RERE: variants seen among roughly 807,000 people sequenced by gnomAD.
RERE encodes arginine-glutamic acid dipeptide repeats protein.
RERE carries 40 observed loss-of-function variants against 146.1 expected under a neutral mutation model. The ratio of observed to expected loss-of-function variants is 0.27; its 90% CI spans 0.21 to 0.36. The LOEUF (loss-of-function observed/expected upper bound fraction) is 0.36. Among genes scored for constraint, RERE ranks in the 10% least tolerant of loss-of-function variants. The probability of loss-of-function intolerance (pLI) is 1.00; values close to 1 mark genes in which losing one functional copy is unlikely to be tolerated. For missense variants in RERE, 1,933 were observed against 2,138.7 expected (o/e 0.90, Z 1.90); for synonymous variants, 1,003 against 866.0 (o/e 1.16, Z -2.78).
chr1:8,540,145 G>A (rs953018491), intron 7 of RERE, among the ~76,000 whole-genome samples: 1 of 152,038 alleles, frequency 6.6e-6, no homozygotes, highest in Non-Finnish European at 1.5e-5. Context: ...CCAGGCTGGA[G>A]AGTGCAGTGG....
intron 1 of RERE, among the ~76,000 whole-genome samples, chr1:8,667,937 C>T (rs1169945154): frequency 2.0e-5 from 3 of 152,118 alleles, no homozygotes; most frequent in East Asian, 1.9e-4. Context: ...TAGGATATTT[C>T]GCAGCATTCC....
At chr1:8,413,684 T>C (rs1643677740) in intron 12 of RERE, among the ~76,000 whole-genome samples, 1 of 152,056 alleles carries the variant, frequency 6.6e-6, no homozygotes, top group Non-Finnish European at 1.5e-5. Context: ...CCAACTCTGC[T>C]GAGATGAAAT....
chr1:8,654,829 G>A (rs1638234744), intron 2 of RERE, among the ~76,000 whole-genome samples: 1 of 151,914 alleles, frequency 6.6e-6, no homozygotes, highest in East Asian at 1.9e-4. Flanking sequence ...AAAGATGGGG[G>A]TCTCACTACG....
At chr1:8,613,119 A>G (rs1292574655) in intron 4 of RERE, among the ~76,000 whole-genome samples, 2 of 152,156 alleles carry the variant, frequency 1.3e-5, no homozygotes, top group African/African-American at 4.8e-5. Context: ...CTAGCCTTCT[A>G]CTTGGAATTT....
chr1:8,514,968 A>G (rs928022661), intron 7 of RERE, among the ~76,000 whole-genome samples: 2 of 152,184 alleles, frequency 1.3e-5, no homozygotes, highest in South Asian at 2.1e-4. Flanking sequence ...GGTGCTCTAC[A>G]GTATTATCTC....
At chr1:8,730,013 C>T (rs1640049242) in intron 1 of RERE, among the ~76,000 whole-genome samples, 1 of 152,152 alleles carries the variant, frequency 6.6e-6, no homozygotes, top group Non-Finnish European at 1.5e-5. Flanking sequence ...GAAGCTCACA[C>T]CTGAGATAGG....
intron 11 of RERE, among the ~76,000 whole-genome samples, chr1:8,429,239 G>C (rs1644060802): frequency 6.6e-6 from 1 of 152,108 alleles, no homozygotes. Context: ...CTAAATCCTT[G>C]AACCAGGCTG....
intron 12 of RERE, among the ~76,000 whole-genome samples, chr1:8,373,095 G>C (rs1268710418): frequency 1.3e-5 from 2 of 152,238 alleles, no homozygotes; most frequent in African/African-American, 4.8e-5. Flanking sequence ...GCCAACAGGG[G>C]CAGGGCTGCT....
intron 10 of RERE, among the ~76,000 whole-genome samples, chr1:8,478,594 T>C (rs962424772): frequency 6.6e-6 from 1 of 152,122 alleles, no homozygotes; most frequent in African/African-American, 2.4e-5. Context: ...TCCAAGATTC[T>C]GGAGGACAGG....
intron 1 of RERE, among the ~76,000 whole-genome samples, chr1:8,770,281 A>G (rs2124544506): frequency 1.3e-5 from 2 of 152,308 alleles, no homozygotes; most frequent in South Asian, 4.1e-4. Context: ...GAGGTACAGT[A>G]CCTGACACAG....
Position 8,423,267 on chromosome 1 carries a change from C to A in RERE, c.1204-460G>T, listed in dbSNP as rs1643940905. ...GGAACCCTAGGGGGTTAAAAGGCCG[C>A]TTTCCTTAATCCAAAGAATTTGCCA... is the stretch of plus-strand genomic sequence containing the variant. On this transcript the variant is annotated intron_variant, in intron 11 of 22. Transcript: ENST00000400908. The surrounding 1 kb of genome is among the most constrained non-coding windows in gnomAD (Gnocchi z 5.4). 6.5e-6 allele frequency: 1 copy of A among 154,314 alleles called. No individual in the cohort carries two copies. The highest frequency in any genetic ancestry group is 2.4e-5 in the African/African-American group (1 of 41,480). The allele number at this position is 154,314 out of a possible 1,614,324, so 9.6% of individuals were successfully genotyped here.
chr1:8,431,254 G>A (rs920079962), intron 11 of RERE, among the ~76,000 whole-genome samples: 1 of 152,150 alleles, frequency 6.6e-6, no homozygotes, highest in Admixed American at 6.5e-5. Context: ...TTGCATTACC[G>A]CCTGAGCTCT....
chr1:8,635,027 G>A lies in RERE; in HGVS notation c.326-10647C>T, dbSNP rs146714171. Among the ~76,000 whole-genome samples, 697 of 152,300 alleles carry A rather than the reference G, an allele frequency of 4.6e-3. 6 individuals carry two copies. The highest frequency in any genetic ancestry group is 0.016 in the African/African-American group (666 of 41,570). On this transcript the variant is annotated intron_variant, in intron 2 of 22. Transcript: ENST00000400908. ...TGGGATTAGAGGCGTGAGCCACCGC[G>A]CCTGGCCTGAATAAAGATACTTTAA...
chr1:8,501,980 G>GT, intron 8 of RERE, among the ~76,000 whole-genome samples: 1 of 125,720 alleles, frequency 8.0e-6, no homozygotes, highest in Non-Finnish European at 1.8e-5. Flanking sequence ...CGTCCGGGAG[G>GT]GAGGTGGGGG....
intron 12 of RERE, among the ~76,000 whole-genome samples, chr1:8,400,603 T>C (rs887526822): frequency 1.3e-5 from 2 of 151,938 alleles, no homozygotes; most frequent in African/African-American, 2.4e-5. Context: ...CTTTGTCCAA[T>C]TGTGTCATAT....
Position 8,356,320 on chromosome 1 carries a change from C to T in RERE, c.4340-74G>A, listed in dbSNP as rs1641290780. 1 of 1,386,908 alleles carries T rather than the reference C, an allele frequency of 7.2e-7. No homozygotes were observed. The allele number at this position is 1,386,908 out of a possible 1,614,324, so 85.9% of individuals were successfully genotyped here. On this transcript the variant is annotated intron_variant, in intron 20 of 22. Coordinates refer to ENST00000400908, the MANE Select transcript of RERE (RefSeq NM_001042681.2). This position sits in a 1 kb window ranked among gnomAD's most constrained non-coding sequence, Gnocchi z 5.2. ...TGTTTGTCCCCCTTGGCTGGAATGACCGATGACTTCCTCCTCACCCAGGAT... is the reference window on the plus strand; with the variant it reads ...TGTTTGTCCCCCTTGGCTGGAATGATCGATGACTTCCTCCTCACCCAGGAT...
rs191333461 is a variant in RERE, at chr1:8,354,123, C to G, written c.*964G>C. 19 of 152,576 alleles carry G rather than the reference C, an allele frequency of 1.2e-4. No homozygotes were observed. Among genetic ancestry groups the G allele is most frequent in the African/African-American group, 4.6e-4 (19 of 41,574 alleles). The allele number at this position is 152,576 out of a possible 1,614,324, so 9.5% of individuals were successfully genotyped here. On this transcript the variant is annotated 3_prime_UTR_variant, in exon 23 of 23. Transcript: ENST00000400908. The stretch of plus-strand genomic sequence containing the variant: ...GAAGGAAATCTACAATGGACACAGG[C>G]CCATGCGCTTTCCATCCCGTGGAAA...
intron 3 of RERE, among the ~76,000 whole-genome samples, chr1:8,615,781 CAT>C (rs1396581285): frequency 1.3e-5 from 2 of 152,086 alleles, no homozygotes; most frequent in Admixed American, 6.5e-5. Context: ...GCTCCCTACA[CAT>C]AGACACACAC....
chr1:8,454,472 T>C (rs1644426628), intron 11 of RERE, among the ~76,000 whole-genome samples: 1 of 152,026 alleles, frequency 6.6e-6, no homozygotes, highest in South Asian at 2.1e-4. Flanking sequence ...TCCCCTTCCC[T>C]TTCCTTCTCC....
Sources: gnomAD v4.1 joint callset for allele counts (sites outside exome capture counted in the v4.1 genomes callset) on GRCh38, gnomAD v4.1.1 for gene constraint, Gnocchi (gnomAD v3.1) non-coding constraint, MANE v1.5 for transcripts, NCBI Gene and HGNC (gene_info 2026-07-23, HGNC 2026-07-21) for gene names.